PUDP: variants seen among roughly 807,000 people sequenced by gnomAD.
The protein encoded by PUDP is pseudouridine 5'-phosphatase, also known as pseudouridine-5'-phosphatase.
Under a neutral mutation model 9.4 loss-of-function variants are expected in PUDP, and 8 were observed. The ratio of observed to expected loss-of-function variants is 0.85; its 90% CI spans 0.50 to 1.53. The LOEUF is 1.53. PUDP is among the 40% of genes most tolerant of loss of function. The probability of loss-of-function intolerance (pLI) is 0.00; values close to 1 mark genes in which losing one functional copy is unlikely to be tolerated. For synonymous variants in PUDP, 99 were observed against 80.7 expected (o/e 1.23, Z -1.22); for missense variants, 188 against 189.7 (o/e 0.99, Z 0.05).
intron 3 of PUDP, among the ~76,000 whole-genome samples, chrX:6,833,900 T>G (rs1926544436): frequency 8.9e-6 from 1 of 112,393 alleles, no homozygotes; most frequent in Non-Finnish European, 1.9e-5. Context: ...AATTTAAAAT[T>G]ACATTACCTC....
chrX:6,912,334 A>C (rs1927861087), intron 3 of PUDP, among the ~76,000 whole-genome samples: 1 of 112,148 alleles, frequency 8.9e-6, no homozygotes. Context: ...TCTTGCATAT[A>C]AGAAAAATGC....
intron 3 of PUDP, among the ~76,000 whole-genome samples, chrX:6,871,191 T>G (rs940200926): frequency 9.0e-6 from 1 of 111,275 alleles, no homozygotes; most frequent in African/African-American, 3.3e-5. Context: ...GCTCCACAAC[T>G]CCTCATGGAA....
chrX:6,883,470 C>A, intron 3 of PUDP, among the ~76,000 whole-genome samples: 1 of 95,680 alleles, frequency 1.0e-5, no homozygotes, highest in Non-Finnish European at 2.0e-5. Context: ...TGCAGTGAGC[C>A]AATATCGAGC....
At position 7,114,218 on chromosome X, in the gene PUDP, G is replaced by A. The variant is rs190587115; in HGVS notation, c.62-8380C>T. The stretch of plus-strand genomic sequence containing the variant: ...GCCTCCCGAGTAGCTGGGATTACAA[G>A]TGCACACCACCATGCCTGGCTAATT... On this transcript the variant is annotated intron_variant, in intron 1 of 3. Transcript: ENST00000381077. Among the ~76,000 whole-genome samples the A allele has an allele frequency of 7.2e-5, 8 of 111,629 alleles. No individual in the cohort carries two copies. In the East Asian group the frequency reaches 2.3e-3, roughly 32 times the overall value.
At chrX:7,110,157 C>T (rs1227062139) in intron 1 of PUDP, among the ~76,000 whole-genome samples, 3 of 111,933 alleles carry the variant, frequency 2.7e-5, no homozygotes, top group African/African-American at 9.8e-5. Flanking sequence ...AGCCTGAGTT[C>T]CCGGGGGCTT....
intron 1 of PUDP, among the ~76,000 whole-genome samples, chrX:7,018,488 T>C (rs1569140393): frequency 8.9e-6 from 1 of 112,366 alleles, no homozygotes; most frequent in Non-Finnish European, 1.9e-5. Flanking sequence ...GGTTTTGATA[T>C]CTTAATGCAC....
In PUDP at chrX:7,057,021, C is replaced by T. The variant is rs183979718; in HGVS notation, c.511-6549G>A. 2.9e-3 allele frequency among the ~76,000 whole-genome samples: 324 copies of T among 112,043 alleles called. 3 individuals carry two copies. The highest frequency in any genetic ancestry group is 4.1e-3 in the Non-Finnish European group (217 of 53,231). On this transcript the variant is annotated intron_variant, in intron 3 of 3. Coordinates refer to ENST00000381077, the MANE Select transcript of PUDP (RefSeq NM_012080.5). ...AATTTAGGGAGCATGACATTTCCAA[C>T]GACAAGGGAGGTGAAGCACCTTGGC...
intron 3 of PUDP, among the ~76,000 whole-genome samples, chrX:6,878,713 G>C (rs1304912596): frequency 9.0e-6 from 1 of 110,976 alleles, no homozygotes; most frequent in African/African-American, 3.3e-5. Context: ...ATGAAATTTT[G>C]AGTTATTAGT....
At chrX:6,792,692 T>C (rs1925769120) in intron 3 of PUDP, among the ~76,000 whole-genome samples, 1 of 112,383 alleles carries the variant, frequency 8.9e-6, no homozygotes, top group South Asian at 3.7e-4. Flanking sequence ...TTACCAAACC[T>C]AAGCATTAAA....
intron 3 of PUDP, among the ~76,000 whole-genome samples, chrX:6,750,784 A>G: frequency 8.9e-6 from 1 of 112,088 alleles, no homozygotes; most frequent in African/African-American, 3.2e-5. Context: ...CCTGAAGGAT[A>G]TACAAAGATG....
rs760571245 is a variant in PUDP, at chrX:6,893,039, GA to G, written c.*247+84093del. ...TTTTAATTTTTGCTATGTCATTGGG[GA>G]AAAAAAACTACTTTATAAGGAATAC... On this transcript the variant is annotated intron_variant and NMD_transcript_variant, in intron 3 of 3. Coordinates refer to the PUDP transcript ENST00000655425. 8.1e-5 allele frequency among the ~76,000 whole-genome samples: 9 copies of G among 111,482 alleles called. No homozygotes were observed. In the East Asian group the frequency reaches 2.3e-3, roughly 28 times the overall value.
chrX:6,843,308 T>TTTCC (rs1926699392), intron 3 of PUDP, among the ~76,000 whole-genome samples: 1 of 111,569 alleles, frequency 9.0e-6, no homozygotes, highest in South Asian at 3.8e-4. Flanking sequence ...AATGGCAGTG[T>TTTCC]TTCCGTGAAT....
chrX:7,116,874 T>C (rs771704773), intron 1 of PUDP: 18 of 1,126,573 alleles, frequency 1.6e-5, no homozygotes, highest in Non-Finnish European at 2.1e-5. Flanking sequence ...TGAGTTCACA[T>C]GAGAGCTGGT....
At chrX:7,143,604 A>G (rs1932818634) in intron 1 of PUDP, among the ~76,000 whole-genome samples, 1 of 112,178 alleles carries the variant, frequency 8.9e-6, no homozygotes, top group Non-Finnish European at 1.9e-5. Context: ...TAAGGTTGGC[A>G]TGGTTCAGGT....
intron 3 of PUDP, among the ~76,000 whole-genome samples, chrX:6,904,940 G>A (rs1269359332): frequency 6.3e-5 from 7 of 111,545 alleles, no homozygotes; most frequent in African/African-American, 1.3e-4. Context: ...ATTTCACTTC[G>A]GATTCCTGGA....
At chrX:6,797,875 C>A (rs1925869353) in intron 3 of PUDP, among the ~76,000 whole-genome samples, 1 of 112,133 alleles carries the variant, frequency 8.9e-6, no homozygotes, top group South Asian at 3.7e-4. Context: ...ACATTGGGAA[C>A]AAGATGAAAT....
intron 1 of PUDP, among the ~76,000 whole-genome samples, chrX:7,029,877 G>C (rs978630472): frequency 1.8e-5 from 2 of 111,259 alleles, no homozygotes; most frequent in African/African-American, 6.6e-5. Context: ...GATTAATTTT[G>C]AGGCATTGAG....
intron 3 of PUDP, chrX:7,057,565 A>C: frequency 2.1e-6 from 2 of 943,093 alleles, no homozygotes; most frequent in East Asian, 6.9e-5. Context: ...CATGTTTCTG[A>C]TGTGGTGGGT....
intron 1 of PUDP, among the ~76,000 whole-genome samples, chrX:6,713,821 G>T (rs1419833681): frequency 9.0e-6 from 1 of 110,997 alleles, no homozygotes; most frequent in African/African-American, 3.3e-5. Context: ...AAAGTGAAGA[G>T]CACAGCTTAA....
Sources: gnomAD v4.1 joint callset for allele counts (sites outside exome capture counted in the v4.1 genomes callset) on GRCh38, gnomAD v4.1.1 for gene constraint, MANE v1.5 for transcripts, NCBI Gene and HGNC (gene_info 2026-07-23, HGNC 2026-07-21) for gene names.